Variants in SPTLC3 observed in about 807,000 individuals in gnomAD.
SPTLC3 encodes serine palmitoyltransferase 3.
Under a neutral mutation model 59.3 loss-of-function variants are expected in SPTLC3, and 36 were observed. That is an observed-to-expected ratio of 0.61 (90% CI 0.47 to 0.80). The LOEUF (loss-of-function observed/expected upper bound fraction) is 0.80, where lower values mean the gene tolerates loss of function less well. Among genes scored for constraint, SPTLC3 ranks in the 30% least tolerant of loss-of-function variants. The pLI, the probability that SPTLC3 is intolerant of heterozygous loss-of-function variation, is 0.00. For synonymous variants in SPTLC3, 257 were observed against 240.8 expected, an observed-to-expected ratio of 1.07 and a Z score of -0.62; for missense variants, 625 against 685.1, an observed-to-expected ratio of 0.91 and a Z score of 0.98.
At chr20:13,119,111 G>A (rs1335323579) in intron 8 of SPTLC3, among the ~76,000 whole-genome samples, 1 of 152,154 alleles carries the variant, frequency 6.6e-6, no homozygotes, top group Non-Finnish European at 1.5e-5. Flanking sequence ...AGGAGCAGAG[G>A]GTCTCAAATT....
At chr20:13,032,638 T>G (rs1308192195) in intron 1 of SPTLC3, among the ~76,000 whole-genome samples, 1 of 152,172 alleles carries the variant, frequency 6.6e-6, no homozygotes, top group Non-Finnish European at 1.5e-5. Flanking sequence ...TTCCCAGTCT[T>G]GGCTCTCCCT....
intron 2 of SPTLC3, among the ~76,000 whole-genome samples, chr20:13,056,647 G>A (rs1987741867): frequency 6.6e-6 from 1 of 151,062 alleles, no homozygotes; most frequent in Admixed American, 6.6e-5. Flanking sequence ...ACAGGGTTTT[G>A]CCATGTTGCC....
intron 11 of SPTLC3, among the ~76,000 whole-genome samples, chr20:13,163,765 T>C (rs1391095781): frequency 6.6e-6 from 1 of 152,176 alleles, no homozygotes; most frequent in Admixed American, 6.5e-5. Flanking sequence ...ACCCTCACCT[T>C]ACCTTTTCAA....
chr20:13,159,500 G>A (rs1363771170), intron 10 of SPTLC3, among the ~76,000 whole-genome samples: 2 of 152,058 alleles, frequency 1.3e-5, no homozygotes, highest in Non-Finnish European at 2.9e-5. Flanking sequence ...TCTGATCTTG[G>A]TCTTCAAATT....
intron 1 of SPTLC3, among the ~76,000 whole-genome samples, chr20:13,031,554 G>A (rs1300687493): frequency 6.6e-6 from 1 of 152,090 alleles, no homozygotes; most frequent in Non-Finnish European, 1.5e-5. Flanking sequence ...CCACTGCTAT[G>A]GCACTTGGCT....
intron 8 of SPTLC3, among the ~76,000 whole-genome samples, chr20:13,119,978 T>C (rs1327125706): frequency 1.3e-5 from 2 of 152,236 alleles, no homozygotes; most frequent in Admixed American, 1.3e-4. Context: ...GGAACTTATG[T>C]ATCCGTTCCT....
chr20:13,162,063 G>A (rs902236239), intron 11 of SPTLC3, among the ~76,000 whole-genome samples: 5 of 152,268 alleles, frequency 3.3e-5, no homozygotes, highest in Admixed American at 1.3e-4. Flanking sequence ...TTAACAAATT[G>A]TTTCTTTTAA....
intron 2 of SPTLC3, among the ~76,000 whole-genome samples, chr20:13,062,581 T>A (rs951897687): frequency 1.3e-5 from 2 of 152,248 alleles, no homozygotes; most frequent in African/African-American, 4.8e-5. Flanking sequence ...TAATGTTTTC[T>A]TCTTTTTCCT....
At chr20:13,119,647 T>TTCTC (rs910184824) in intron 8 of SPTLC3, among the ~76,000 whole-genome samples, 1 of 152,190 alleles carries the variant, frequency 6.6e-6, no homozygotes, top group Non-Finnish European at 1.5e-5. Flanking sequence ...CTCCCCACCT[T>TTCTC]TCTCTGTCTT....
In SPTLC3 at chr20:13,165,099, TACACACACAC is replaced by T. The variant is rs34511643; in HGVS notation, c.*245_*254del. 3 of 374,238 alleles carry T rather than the reference TACACACACAC, an allele frequency of 8.0e-6. No homozygotes were observed. The highest frequency in any genetic ancestry group is 9.6e-6 in the Non-Finnish European group (2 of 208,678). 23.2% of individuals were successfully genotyped at this position (374,238 alleles called of 1,614,324 possible). ...CTTCTTCCAAGTATTCTACTAGAAA[TACACACACAC>T]ACACACACACACTTCTGAGAATATT... On this transcript the variant is annotated 3_prime_UTR_variant, in exon 12 of 12. Transcript: ENST00000399002.
At chr20:13,117,465 A>G (rs1600310271) in intron 7 of SPTLC3, 41 bp from the exon 8 acceptor site, 1 of 1,517,900 alleles carries the variant, frequency 6.6e-7, no homozygotes, top group Non-Finnish European at 8.9e-7. Context: ...GCTTCCCAGG[A>G]GGGTATTTGT....
chr20:13,083,684 T>C (rs1384634434), intron 4 of SPTLC3, among the ~76,000 whole-genome samples: 1 of 152,172 alleles, frequency 6.6e-6, no homozygotes, highest in South Asian at 2.1e-4. Flanking sequence ...TTCAAGTTCC[T>C]TTTTTTTATT....
chr20:13,031,390 G>A (rs760336168), intron 1 of SPTLC3, among the ~76,000 whole-genome samples: 1 of 152,154 alleles, frequency 6.6e-6, no homozygotes, highest in African/African-American at 2.4e-5. Context: ...TAAACCGTGA[G>A]AGCAGGGCCT....
At chr20:13,044,815 G>A (rs1987156557) in intron 1 of SPTLC3, among the ~76,000 whole-genome samples, 2 of 152,108 alleles carry the variant, frequency 1.3e-5, no homozygotes, top group African/African-American at 4.8e-5. Context: ...AGGCAGCAAA[G>A]GAAAGTCTGA....
intron 2 of SPTLC3, chr20:13,050,716 CA>C (rs1312557301): frequency 6.6e-6 from 1 of 152,180 alleles, no homozygotes; most frequent in African/African-American, 2.4e-5. Context: ...ATCAGATTAA[CA>C]GCAGATTTCT....
intron 8 of SPTLC3, among the ~76,000 whole-genome samples, chr20:13,121,991 T>A (rs926927184): frequency 1.3e-5 from 2 of 152,148 alleles, no homozygotes; most frequent in Non-Finnish European, 2.9e-5. Flanking sequence ...TCAAAGGAAG[T>A]TTTGTTTTAC....
chr20:13,038,172 A>G (rs958080224), intron 1 of SPTLC3, among the ~76,000 whole-genome samples: 1 of 151,976 alleles, frequency 6.6e-6, no homozygotes, highest in African/African-American at 2.4e-5. Context: ...GTCTTTGTAT[A>G]ATTTTGATCA....
chr20:13,092,836 C>T (rs1264528570), intron 5 of SPTLC3, among the ~76,000 whole-genome samples: 17 of 151,996 alleles, frequency 1.1e-4, no homozygotes, highest in Admixed American at 1.1e-3. Context: ...TTTTGGTATG[C>T]TTAAGAAGTT....
At chr20:13,120,984 C>G (rs904247924) in intron 8 of SPTLC3, among the ~76,000 whole-genome samples, 1 of 152,244 alleles carries the variant, frequency 6.6e-6, no homozygotes, top group African/African-American at 2.4e-5. Context: ...CTACTTCTCT[C>G]CACCTGTCAG....
Sources: gnomAD v4.1 joint callset for allele counts (sites outside exome capture counted in the v4.1 genomes callset) on GRCh38, gnomAD v4.1.1 for gene constraint, MANE v1.5 for transcripts, NCBI Gene and HGNC (gene_info 2026-07-23, HGNC 2026-07-21) for gene names.